Variants in ULK2 observed in about 807,000 individuals in gnomAD.
ULK2 encodes unc-51 like autophagy activating kinase 2.
In ULK2, 76 loss-of-function variants were observed where a neutral mutation model predicts 127.5. The observed-to-expected ratio is 0.60, with a 90% CI of 0.50 to 0.72. The LOEUF is 0.72. Among genes scored for constraint, ULK2 ranks in the 30% least tolerant of loss-of-function variants. The probability of loss-of-function intolerance (pLI) is 0.00; values close to 1 mark genes in which losing one functional copy is unlikely to be tolerated. For missense variants in ULK2, 1,144 were observed against 1,295.9 expected, an observed-to-expected ratio of 0.88 and a Z score of 1.80; for synonymous variants, 452 against 461.9, an observed-to-expected ratio of 0.98 and a Z score of 0.28.
chr17:19,785,363 C>T lies in ULK2; in HGVS notation c.2251+574G>A, dbSNP rs184295483. ...AGTAGCTGGGATTACAGGTACCTGC[C>T]ACCACACCTGCCTAAATTTTTGTAT... On this transcript the variant is annotated intron_variant, in intron 21 of 26. Transcript: ENST00000395544. Among the ~76,000 whole-genome samples the T allele has an allele frequency of 2.5e-4, 38 of 152,046 alleles. No individual in the cohort carries two copies. The East Asian group carries it at 7.4e-3, about 29-fold the overall frequency.
chr17:19,838,687 A>C, intron 9 of ULK2, 104 bp from the exon 10 acceptor site: 2 of 900,422 alleles, frequency 2.2e-6, no homozygotes, highest in South Asian at 3.1e-5. Flanking sequence ...GCGGTTTCAC[A>C]AATACCAATA....
At chr17:19,865,031 G>T (rs2042323769) in intron 2 of ULK2, among the ~76,000 whole-genome samples, 187 bp from the exon 3 acceptor site, 1 of 152,134 alleles carries the variant, frequency 6.6e-6, no homozygotes, top group South Asian at 2.1e-4. Context: ...CTCACTGAAA[G>T]AAAATATGAT....
At chr17:19,832,151 T>G (rs2041470741) in intron 10 of ULK2, among the ~76,000 whole-genome samples, 1 of 149,888 alleles carries the variant, frequency 6.7e-6, no homozygotes, top group Admixed American at 6.6e-5. Context: ...AAAAGAAACA[T>G]CTAATCAATA....
intron 13 of ULK2, chr17:19,811,386 T>C (rs974336008): frequency 1.3e-5 from 2 of 151,976 alleles, no homozygotes; most frequent in African/African-American, 2.4e-5. Flanking sequence ...CCTAATCATG[T>C]ATCAACCTGA....
chr17:19,852,682 G>C (rs954693792), intron 3 of ULK2, among the ~76,000 whole-genome samples: 1 of 149,120 alleles, frequency 6.7e-6, no homozygotes, highest in Non-Finnish European at 1.5e-5. Flanking sequence ...CCAGGCTGGA[G>C]TGCAGTGGCG....
At chr17:19,832,983 C>A (rs544457736) in intron 10 of ULK2, among the ~76,000 whole-genome samples, 2 of 151,806 alleles carry the variant, frequency 1.3e-5, no homozygotes, top group African/African-American at 2.4e-5. Flanking sequence ...ATTCACCAGG[C>A]GTAGTGGTGT....
At chr17:19,861,816 T>A (rs952121831) in intron 3 of ULK2, among the ~76,000 whole-genome samples, 1 of 152,224 alleles carries the variant, frequency 6.6e-6, no homozygotes, top group African/African-American at 2.4e-5. Context: ...CCCCTTTTCA[T>A]GCTGCTTTGA....
intron 3 of ULK2, among the ~76,000 whole-genome samples, chr17:19,861,470 A>G (rs552261817): frequency 1.6e-4 from 24 of 152,174 alleles, no homozygotes; most frequent in Non-Finnish European, 1.8e-4. Flanking sequence ...GCGTGAACCC[A>G]GGAGGCGAAG....
chr17:19,846,627 G>A (rs890708619), intron 6 of ULK2, 110 bp downstream of exon 6: 31 of 1,250,646 alleles, frequency 2.5e-5, no homozygotes, highest in Admixed American at 1.2e-4. Flanking sequence ...GCAACAGAGC[G>A]AGACTCCATC....
At chr17:19,776,656 C>T (rs769790171) in intron 26 of ULK2, among the ~76,000 whole-genome samples, 1 of 152,134 alleles carries the variant, frequency 6.6e-6, no homozygotes, top group Admixed American at 6.5e-5. Context: ...CCTCCTGTGG[C>T]TACTCAAAAT....
At chr17:19,840,921 C>T (rs1597797487) in intron 9 of ULK2, among the ~76,000 whole-genome samples, 1 of 152,092 alleles carries the variant, frequency 6.6e-6, no homozygotes, top group East Asian at 1.9e-4. Context: ...TGCCTCTCTA[C>T]ATCTTGCTGC....
Position 19,842,275 on chromosome 17 carries a change from G to A in ULK2, c.646-728C>T, listed in dbSNP as rs559532674. On this transcript the variant is annotated intron_variant, in intron 8 of 26. Coordinates refer to ENST00000395544, the MANE Select transcript of ULK2 (RefSeq NM_014683.4). ...TGCAATGGTGTGATCTCGGCTCACC[G>A]CAACCTTCGCCTCCCAGGTTCAAGC... 2.7e-4 allele frequency among the ~76,000 whole-genome samples: 36 copies of A among 132,984 alleles called. No individual in the cohort carries two copies. In the Admixed American group the frequency reaches 2.8e-3, roughly 10 times the overall value. 87.2% of individuals were successfully genotyped at this position (132,984 alleles called of 152,430 possible).
intron 21 of ULK2, among the ~76,000 whole-genome samples, chr17:19,785,030 A>C (rs1442725501): frequency 6.6e-6 from 1 of 152,126 alleles, no homozygotes; most frequent in African/African-American, 2.4e-5. Flanking sequence ...AACTTGACTC[A>C]TGATACAACA....
chr17:19,787,639 CAA>C (rs2152383236), intron 20 of ULK2, among the ~76,000 whole-genome samples: 1 of 152,302 alleles, frequency 6.6e-6, no homozygotes, highest in Non-Finnish European at 1.5e-5. Context: ...AGCTTCTTTT[CAA>C]AGACATAAAA....
chr17:19,852,730 A>G (rs2042045387), intron 3 of ULK2, among the ~76,000 whole-genome samples: 1 of 150,194 alleles, frequency 6.7e-6, no homozygotes, highest in African/African-American at 2.4e-5. Context: ...TCCAGGGTCC[A>G]CGCCATTCTC....
intron 7 of ULK2, among the ~76,000 whole-genome samples, chr17:19,844,280 G>C (rs1198847444): frequency 6.6e-6 from 1 of 152,106 alleles, no homozygotes; most frequent in African/African-American, 2.4e-5. Flanking sequence ...TTATTTCTCA[G>C]ATGTAACATT....
chr17:19,817,585 T>A (rs1363457417), intron 12 of ULK2, among the ~76,000 whole-genome samples: 1 of 152,172 alleles, frequency 6.6e-6, no homozygotes, highest in Non-Finnish European at 1.5e-5. Flanking sequence ...AAACAAATAC[T>A]TAAGAGCTAA....
intron 10 of ULK2, among the ~76,000 whole-genome samples, chr17:19,834,482 T>C (rs949027096): frequency 6.6e-6 from 1 of 151,228 alleles, no homozygotes. Context: ...TGGAATTATA[T>C]TAGAACTAAA....
intron 10 of ULK2, among the ~76,000 whole-genome samples, chr17:19,836,143 G>A (rs1343511662): frequency 6.6e-6 from 1 of 150,994 alleles, no homozygotes; most frequent in Non-Finnish European, 1.5e-5. Flanking sequence ...GGGCATGGTG[G>A]CTCACGCTTG....
Sources: allele counts gnomAD v4.1 joint callset (sites outside exome capture counted in the v4.1 genomes callset), GRCh38; gene constraint gnomAD v4.1.1; transcripts MANE v1.5; gene names NCBI Gene and HGNC (gene_info 2026-07-23, HGNC 2026-07-21).